Variants in ELK3 observed in about 807,000 individuals in gnomAD.
ELK3 encodes ETS domain-containing protein Elk-3.
In ELK3, 10 loss-of-function variants were observed where a neutral mutation model predicts 28.9. The observed-to-expected ratio is 0.35, with a 90% confidence interval of 0.21 to 0.59. The LOEUF is 0.59. Among genes scored for constraint, ELK3 ranks in the 20% least tolerant of loss-of-function variants. The pLI is 0.82. For synonymous variants in ELK3, 272 were observed against 243.5 expected (o/e 1.12, Z -1.09); for missense variants, 463 against 517.3 (o/e 0.90, Z 1.02).
chr12:96,262,683 T>C (rs1262879385), intron 4 of ELK3, among the ~76,000 whole-genome samples: 1 of 152,160 alleles, frequency 6.6e-6, no homozygotes, highest in African/African-American at 2.4e-5. Flanking sequence ...AAGTTGAAAA[T>C]AGCAATTTTG....
At chr12:96,207,928 A>G (rs1951549355) in intron 1 of ELK3, among the ~76,000 whole-genome samples, 1 of 152,246 alleles carries the variant, frequency 6.6e-6, no homozygotes, top group Non-Finnish European at 1.5e-5. Flanking sequence ...AGCTCAGCCA[A>G]CTGTTATCCT....
intron 4 of ELK3, among the ~76,000 whole-genome samples, chr12:96,265,226 A>T (rs1334455249): frequency 2.6e-5 from 4 of 152,230 alleles, no homozygotes; most frequent in Non-Finnish European, 5.9e-5. Context: ...AAAAAATGTT[A>T]GAAAAGCCAG....
intron 2 of ELK3, among the ~76,000 whole-genome samples, chr12:96,239,868 T>G (rs1951808047): frequency 6.6e-6 from 1 of 152,216 alleles, no homozygotes. Flanking sequence ...ATGAGCTGGG[T>G]GCCTGGTTAG....
chr12:96,266,332 C>G (rs1356044187), intron 4 of ELK3, among the ~76,000 whole-genome samples: 1 of 152,112 alleles, frequency 6.6e-6, no homozygotes, highest in Non-Finnish European at 1.5e-5. Context: ...ACACATCATC[C>G]TCAACAACGA....
At chr12:96,225,723 G>GCA (rs1223139533) in intron 2 of ELK3, among the ~76,000 whole-genome samples, 1 of 152,128 alleles carries the variant, frequency 6.6e-6, no homozygotes, top group Non-Finnish European at 1.5e-5. Flanking sequence ...CAGCCAAAAG[G>GCA]CACACACACA....
intron 3 of ELK3, among the ~76,000 whole-genome samples, chr12:96,259,299 C>A (rs1951975529): frequency 6.6e-6 from 1 of 152,170 alleles, no homozygotes; most frequent in African/African-American, 2.4e-5. Context: ...CGCCTGTAAT[C>A]CCAGCACTTT....
At chr12:96,238,323 G>T (rs1565786562) in intron 2 of ELK3, among the ~76,000 whole-genome samples, 1 of 152,218 alleles carries the variant, frequency 6.6e-6, no homozygotes, top group Non-Finnish European at 1.5e-5. Flanking sequence ...CATTTTAGGG[G>T]TGAGCAAACT....
chr12:96,253,500 C>T (rs1427443238), intron 3 of ELK3, among the ~76,000 whole-genome samples: 3 of 152,142 alleles, frequency 2.0e-5, no homozygotes, highest in African/African-American at 7.2e-5. Context: ...ATTAACTCAC[C>T]TTTTAAAGAC....
chr12:96,206,320 TTTA>T (rs1273279417), intron 1 of ELK3, among the ~76,000 whole-genome samples: 1 of 151,886 alleles, frequency 6.6e-6, no homozygotes, highest in Non-Finnish European at 1.5e-5. Context: ...CTTTTATTTA[TTTA>T]TTTTTTTTTT....
At chr12:96,243,185 A>G (rs1392141250) in intron 2 of ELK3, among the ~76,000 whole-genome samples, 1 of 152,168 alleles carries the variant, frequency 6.6e-6, no homozygotes, top group Non-Finnish European at 1.5e-5. Flanking sequence ...TTCACATACC[A>G]TACAATTCAC....
chr12:96,244,025 A>T (rs1951839492), intron 2 of ELK3, among the ~76,000 whole-genome samples: 1 of 144,270 alleles, frequency 6.9e-6, no homozygotes, highest in Non-Finnish European at 1.5e-5. Context: ...AAAAAAAAAA[A>T]TCTATGATTC....
Position 96,223,755 on chromosome 12 carries a change from G to A in ELK3, c.189G>A (p.Leu63=), listed in dbSNP as rs1380962177. Residue 63 remains leucine (L), a synonymous_variant, in exon 2 of 5, where the codon CTG becomes CTA. Coordinates refer to ENST00000228741, the MANE Select transcript of ELK3 (RefSeq NM_005230.4). ...ACTATGATAAGCTGAGCAGAGCCCT[G>A]CGATACTATTATGACAAGGTAAACC... is the stretch of plus-strand genomic sequence containing the variant. The part of the protein sequence containing the change: ...NMNYDKLSRA[L]RYYYDKNIIK... The A allele has an allele frequency of 2.5e-6, 4 of 1,613,986 alleles. No homozygotes were observed. The highest frequency in any genetic ancestry group is 1.7e-5 in the Admixed American group (1 of 60,002).
chr12:96,246,055 T>C (rs1951853114), intron 2 of ELK3, among the ~76,000 whole-genome samples: 1 of 152,214 alleles, frequency 6.6e-6, no homozygotes, highest in Non-Finnish European at 1.5e-5. Context: ...ATGACTGAGT[T>C]AAGAAAACGT....
intron 4 of ELK3, among the ~76,000 whole-genome samples, chr12:96,262,132 C>G (rs1308098843): frequency 6.6e-6 from 1 of 151,024 alleles, no homozygotes; most frequent in East Asian, 1.9e-4. Context: ...GATTCTCTTG[C>G]TTCAGCATCC....
chr12:96,210,369 T>C (rs548471913), intron 1 of ELK3, among the ~76,000 whole-genome samples: 26 of 152,320 alleles, frequency 1.7e-4, no homozygotes, highest in African/African-American at 3.8e-4. Context: ...TGCTGGGTAC[T>C]AGGGACCTTG....
intron 1 of ELK3, among the ~76,000 whole-genome samples, chr12:96,219,368 G>A (rs1425767631): frequency 6.6e-6 from 1 of 152,158 alleles, no homozygotes; most frequent in Non-Finnish European, 1.5e-5. Flanking sequence ...AAAATCTGTA[G>A]TGTTAGCGGT....
chr12:96,209,303 T>C (rs1018957661), intron 1 of ELK3, among the ~76,000 whole-genome samples: 6 of 152,122 alleles, frequency 3.9e-5, no homozygotes, highest in Admixed American at 3.9e-4. Flanking sequence ...ATTCCTACCT[T>C]TTGCCTTGGA....
In ELK3 at chr12:96,247,653, C is replaced by T. The variant is rs80179517; in HGVS notation, c.921C>T (p.Ser307=). 8.8e-5 allele frequency: 142 copies of T among 1,612,678 alleles called. 1 individual carries two copies. Among genetic ancestry groups the T allele is most frequent in the African/African-American group, 2.1e-4 (16 of 75,052 alleles). The change falls in exon 3 of 5, where the codon TCC becomes TCT. Residue 307 remains serine, a synonymous_variant. Transcript: ENST00000228741. The surrounding 1 kb of genome is among the most constrained non-coding windows in gnomAD (Gnocchi z 5.5). ...LEISAPPLVL[S]GTDIGSIALN... ...TCTCAGCGCCCCCGCTGGTGCTCTCCGGCACCGACATCGGCTCCATCGCCC... is the reference window on the plus strand; with the variant it reads ...TCTCAGCGCCCCCGCTGGTGCTCTCTGGCACCGACATCGGCTCCATCGCCC...
intron 3 of ELK3, among the ~76,000 whole-genome samples, chr12:96,255,961 C>T (rs917743912): frequency 3.9e-5 from 6 of 152,002 alleles, no homozygotes; most frequent in African/African-American, 1.2e-4. Context: ...GAGCTTAGTC[C>T]TCAGAAGTTA....
Sources: allele counts gnomAD v4.1 joint callset (sites outside exome capture counted in the v4.1 genomes callset), GRCh38; gene constraint gnomAD v4.1.1; non-coding constraint Gnocchi (gnomAD v3.1); transcripts MANE v1.5; gene names NCBI Gene and HGNC (gene_info 2026-07-23, HGNC 2026-07-21).